SRD5A3: variants seen among roughly 807,000 people sequenced by gnomAD.
SRD5A3 encodes steroid 5 alpha-reductase 3, also known as polyprenal reductase.
Under a neutral mutation model 34.3 loss-of-function variants are expected in SRD5A3, and 24 were observed. The ratio of observed to expected loss-of-function variants is 0.70; its 90% CI spans 0.51 to 0.99. SRD5A3 has a LOEUF of 0.99. Ranked by LOEUF, SRD5A3 falls within the 50% of genes least tolerant of loss-of-function variation. The pLI, the probability that SRD5A3 is intolerant of heterozygous loss-of-function variation, is 0.00. For missense variants in SRD5A3, 350 were observed against 388.2 expected, an observed-to-expected ratio of 0.90 and a Z score of 0.83; for synonymous variants, 161 against 167.3, an observed-to-expected ratio of 0.96 and a Z score of 0.29.
At chr4:55,367,821 CTG>C (rs1395329510) in intron 4 of SRD5A3, 99 bp downstream of exon 4, 8 of 1,482,420 alleles carry the variant, frequency 5.4e-6, no homozygotes, top group Non-Finnish European at 5.6e-6. Context: ...AGTTAGTTGA[CTG>C]TATCAAATAT....
At chr4:55,358,583 A>C (rs1399515418) in intron 1 of SRD5A3, among the ~76,000 whole-genome samples, 1 of 150,230 alleles carries the variant, frequency 6.7e-6, no homozygotes. Context: ...GCTAGGCCCT[A>C]GGCCCTTGTG....
intron 2 of SRD5A3, among the ~76,000 whole-genome samples, chr4:55,362,580 G>A (rs1433270914): frequency 6.6e-6 from 1 of 151,496 alleles, no homozygotes; most frequent in Non-Finnish European, 1.5e-5. Context: ...TCCACCTCTT[G>A]AGTAGTTGGG....
In SRD5A3 at chr4:55,370,300, C is replaced by T; in HGVS notation, c.*209C>T. Reference sequence around the variant, plus strand: ...ATCTTCAAAGAATAAATACTAATGGCAGATCTGCGATTTCTGGGTCCACTT... The same window carrying T: ...ATCTTCAAAGAATAAATACTAATGGTAGATCTGCGATTTCTGGGTCCACTT... On this transcript the variant is annotated 3_prime_UTR_variant, in exon 5 of 5. Coordinates refer to ENST00000264228, the MANE Select transcript of SRD5A3 (RefSeq NM_024592.5). The T allele has an allele frequency of 1.5e-6, 1 of 653,126 alleles. No individual in the cohort carries two copies. Among genetic ancestry groups the T allele is most frequent in the Non-Finnish European group, 2.6e-6 (1 of 390,954 alleles). 40.5% of individuals were successfully genotyped at this position (653,126 alleles called of 1,614,324 possible).
rs1434612060 is a variant in SRD5A3 at position 55,370,113 on chromosome 4, T to G, written c.*22T>G. On this transcript the variant is annotated 3_prime_UTR_variant, in exon 5 of 5. Transcript: ENST00000264228. The stretch of plus-strand genomic sequence containing the variant: ...TTAAGTTAACCTCAGTCATGAAGAA[T>G]GCAAACCAGGTGATGGTTTCAATGC... 1 of 1,612,078 alleles carries G rather than the reference T, an allele frequency of 6.2e-7. No individual in the cohort carries two copies. Among genetic ancestry groups the G allele is most frequent in the Non-Finnish European group, 8.5e-7 (1 of 1,180,004 alleles).
chr4:55,353,619 C>T (rs563275047), intron 1 of SRD5A3, among the ~76,000 whole-genome samples: 2 of 152,328 alleles, frequency 1.3e-5, no homozygotes, highest in East Asian at 1.9e-4. Context: ...GTCTGCACTA[C>T]CTTTATGAGC....
At chr4:55,364,018 A>C in intron 2 of SRD5A3, 56 bp from the exon 3 acceptor site, 3 of 1,590,734 alleles carry the variant, frequency 1.9e-6, no homozygotes, top group Non-Finnish European at 2.6e-6. Context: ...AGAAAAACAA[A>C]ACTTTGGATT....
At position 55,364,225 on chromosome 4, in the gene SRD5A3, T is replaced by C. The variant is rs752325996; in HGVS notation, c.516T>C (p.Leu172=). 3 of 1,614,064 alleles carry C rather than the reference T, an allele frequency of 1.9e-6. No homozygotes were observed. Among genetic ancestry groups the C allele is most frequent in the Admixed American group, 3.3e-5 (2 of 60,006 alleles). Reference sequence around the variant, plus strand: ...GTTTTGGACTTGTCTATTATGTCCTTGTTGGCCTAACTGTGCTGAGCCAAG... The same window carrying C: ...GTTTTGGACTTGTCTATTATGTCCTCGTTGGCCTAACTGTGCTGAGCCAAG... ...QYCFGLVYYV[L]VGLTVLSQVP... is the part of the protein sequence containing the mutation. The change falls in exon 3 of 5, where the codon CTT becomes CTC. Residue 172 remains leucine, a synonymous_variant. Transcript: ENST00000264228.
chr4:55,346,413 TC>T lies in SRD5A3; in HGVS notation c.79del (p.Leu27CysfsTer2), dbSNP rs1718996129. The T allele has an allele frequency of 6.3e-7, 1 of 1,597,786 alleles. No homozygotes were observed. Among genetic ancestry groups the T allele is most frequent in the East Asian group, 2.3e-5 (1 of 43,562 alleles). ...GTGTGGCTCACGCTGACCGCCGCCT[TC>T]CTGCTGACCCTACTGCTGCAGCTCC... ...RAVWLTLTAA[F>X]LLTLLLQLLP... On this transcript the variant is annotated frameshift_variant, in exon 1 of 5. Transcript: ENST00000264228. LOFTEE classifies it high-confidence loss of function.
chr4:55,353,767 C>T (rs1168578396), intron 1 of SRD5A3, among the ~76,000 whole-genome samples: 1 of 152,162 alleles, frequency 6.6e-6, no homozygotes, highest in Non-Finnish European at 1.5e-5. Context: ...CGGCTTCACT[C>T]CTGAAGTCAA....
Position 55,356,398 on chromosome 4 carries a change from G to A in SRD5A3, c.222-2948G>A, listed in dbSNP as rs1320525129. Among the ~76,000 whole-genome samples, 3 of 152,222 alleles carry A rather than the reference G, an allele frequency of 2.0e-5. No homozygotes were observed. In the East Asian group the frequency reaches 5.8e-4, roughly 29 times the overall value. On this transcript the variant is annotated intron_variant, in intron 1 of 4. Transcript: ENST00000264228. ...TTAATGTTTTTTAAATAGTTAAGTA[G>A]CTTTAAATACATTCATCTTGTTATC...
chr4:55,362,436 G>A lies in SRD5A3; in HGVS notation c.365-1638G>A, dbSNP rs950792266. The stretch of plus-strand genomic sequence containing the variant: ...CCACCGCATCCAGCCTGTTTCTTTT[G>A]TTTGTTTCATTTTTTTCTTTCTTTT... On this transcript the variant is annotated intron_variant, in intron 2 of 4. Transcript: ENST00000264228. Among the ~76,000 whole-genome samples the A allele has an allele frequency of 5.3e-5, 8 of 151,528 alleles. No individual in the cohort carries two copies. In the East Asian group the frequency reaches 1.6e-3, roughly 30 times the overall value.
chr4:55,360,217 A>AC (rs1719630294), intron 2 of SRD5A3, among the ~76,000 whole-genome samples: 1 of 150,660 alleles, frequency 6.6e-6, no homozygotes, highest in Non-Finnish European at 1.5e-5. Context: ...TGTGTTTCAA[A>AC]AAAAAAAAAA....
At chr4:55,349,065 C>T (rs935827176) in intron 1 of SRD5A3, among the ~76,000 whole-genome samples, 8 of 152,094 alleles carry the variant, frequency 5.3e-5, no homozygotes, top group Non-Finnish European at 1.2e-4. Flanking sequence ...GATGGAGTCT[C>T]GCTCTGTCGC....
chr4:55,351,264 G>A (rs998380477), intron 1 of SRD5A3, among the ~76,000 whole-genome samples: 1 of 151,894 alleles, frequency 6.6e-6, no homozygotes, highest in Non-Finnish European at 1.5e-5. Flanking sequence ...TAGAAACGGA[G>A]TTTCACCATG....
At chr4:55,355,233 T>A (rs886498271) in intron 1 of SRD5A3, among the ~76,000 whole-genome samples, 1 of 151,114 alleles carries the variant, frequency 6.6e-6, no homozygotes, top group Non-Finnish European at 1.5e-5. Flanking sequence ...CCGAGGCGGG[T>A]GGATCATGAG....
intron 1 of SRD5A3, chr4:55,352,367 C>T (rs1719228254): frequency 2.5e-6 from 2 of 784,552 alleles, no homozygotes; most frequent in African/African-American, 1.7e-5. Flanking sequence ...TAAGCATTCA[C>T]TTCATGGTCG....
At position 55,371,654 on chromosome 4, in the gene SRD5A3, GTT is replaced by G. The variant is rs930995326; in HGVS notation, c.*1570_*1571del. ...AAAACTGTTAAACTAAGATTCCTTT[GTT>G]TTTTTTGTTTTTTTGAGATGGAGTC... On this transcript the variant is annotated 3_prime_UTR_variant, in exon 5 of 5. Transcript: ENST00000264228. 6.6e-6 allele frequency: 1 copy of G among 151,796 alleles called. No homozygotes were observed. Among genetic ancestry groups the G allele is most frequent in the Non-Finnish European group, 1.5e-5 (1 of 67,966 alleles). 9.4% of individuals were successfully genotyped at this position (151,796 alleles called of 1,614,324 possible). A position where few individuals can be genotyped will look rare whatever the true frequency, so the allele number is the denominator to read the frequency against.
chr4:55,346,713 C>T (rs1033743183), intron 1 of SRD5A3, among the ~76,000 whole-genome samples, 156 bp downstream of exon 1: 2 of 151,894 alleles, frequency 1.3e-5, no homozygotes, highest in African/African-American at 4.8e-5. Context: ...CTCGGCCTGG[C>T]CCCGGCCATG....
chr4:55,353,860 A>G (rs1472384735), intron 1 of SRD5A3, among the ~76,000 whole-genome samples: 1 of 152,178 alleles, frequency 6.6e-6, no homozygotes, highest in Non-Finnish European at 1.5e-5. Context: ...CACCATTTTT[A>G]AGAACCGTAA....
Sources: allele counts gnomAD v4.1 joint callset (sites outside exome capture counted in the v4.1 genomes callset), GRCh38; gene constraint gnomAD v4.1.1; transcripts MANE v1.5; gene names NCBI Gene and HGNC (gene_info 2026-07-23, HGNC 2026-07-21).